FAM47E: variants seen among roughly 807,000 people sequenced by gnomAD.
FAM47E encodes protein FAM47E.
In FAM47E, 32 loss-of-function variants were observed where a neutral mutation model predicts 41.6. The ratio of observed to expected loss-of-function variants is 0.77; its 90% CI spans 0.58 to 1.03. The LOEUF (loss-of-function observed/expected upper bound fraction) is 1.03, where lower values mean the gene tolerates loss of function less well. FAM47E is among the 50% of genes least tolerant of loss of function. The pLI, the probability that FAM47E is intolerant of heterozygous loss-of-function variation, is 0.00. For missense variants in FAM47E, 424 were observed against 485.4 expected (o/e 0.87, Z 1.19); for synonymous variants, 184 against 188.7 (o/e 0.98, Z 0.20).
intron 2 of FAM47E, among the ~76,000 whole-genome samples, chr4:76,237,351 GTTTT>G (rs71924228): frequency 1.4e-5 from 2 of 141,818 alleles, no homozygotes; most frequent in South Asian, 4.4e-4. Flanking sequence ...GGGCCTTAGA[GTTTT>G]TTTTTTTTTG....
At chr4:76,273,248 A>G (rs1734965056) in intron 5 of FAM47E, among the ~76,000 whole-genome samples, 1 of 152,250 alleles carries the variant, frequency 6.6e-6, no homozygotes, top group African/African-American at 2.4e-5. Flanking sequence ...TCATCATGCT[A>G]CTGAGAATGG....
chr4:76,215,746 A>T (rs1173195310), intron 1 of FAM47E, among the ~76,000 whole-genome samples: 1 of 152,090 alleles, frequency 6.6e-6, no homozygotes, highest in Non-Finnish European at 1.5e-5. Flanking sequence ...AGAACATGGG[A>T]AAGACTGTGG....
chr4:76,232,252 T>C (rs1008178051), intron 2 of FAM47E, among the ~76,000 whole-genome samples: 1 of 152,246 alleles, frequency 6.6e-6, no homozygotes, highest in African/African-American at 2.4e-5. Flanking sequence ...TTTTCTGAGT[T>C]CAGTCCATTT....
At chr4:76,282,047 ATGTAGAAGTACAGT>A (rs1429174794) in intron 7 of FAM47E, 105 of 56,916 alleles carry the variant, frequency 1.8e-3, no homozygotes, top group Non-Finnish European at 4.6e-3. Context: ...TAACATTTGT[ATGTAGAAGTACAGT>A]ACATTTGTAT....
intron 2 of FAM47E, among the ~76,000 whole-genome samples, chr4:76,223,627 T>C (rs1199201663): frequency 6.6e-6 from 1 of 152,222 alleles, no homozygotes; most frequent in African/African-American, 2.4e-5. Context: ...CAGGCCCTGG[T>C]CTGGGCCAAC....
At chr4:76,279,955 G>A (rs1040639617) in intron 6 of FAM47E, 2 of 216,384 alleles carry the variant, frequency 9.2e-6, no homozygotes, top group Admixed American at 5.3e-5. Context: ...TATGATTTGT[G>A]GACATACTGT....
intron 1 of FAM47E, chr4:76,217,558 G>C (rs1459419253): frequency 2.0e-6 from 1 of 502,494 alleles, no homozygotes; most frequent in Non-Finnish European, 3.6e-6. Flanking sequence ...ACACAGGTGT[G>C]CTCCCTTTCT....
At chr4:76,261,876 G>A (rs1411048419) in intron 2 of FAM47E, among the ~76,000 whole-genome samples, 1 of 152,060 alleles carries the variant, frequency 6.6e-6, no homozygotes, top group Admixed American at 6.6e-5. Flanking sequence ...AAATAAACAT[G>A]AAAACAAGTG....
chr4:76,235,916 C>A (rs560938435), intron 2 of FAM47E, among the ~76,000 whole-genome samples: 14 of 152,296 alleles, frequency 9.2e-5, no homozygotes, highest in African/African-American at 2.4e-4. Flanking sequence ...AGATGGGACA[C>A]CAAGGCACAG....
intron 7 of FAM47E, chr4:76,281,099 CTGA>C (rs1341098265): frequency 6.6e-6 from 1 of 152,248 alleles, no homozygotes; most frequent in Non-Finnish European, 1.5e-5. Context: ...GAAGTCATAG[CTGA>C]TAATGTCAAG....
intron 3 of FAM47E, among the ~76,000 whole-genome samples, chr4:76,266,861 G>C (rs1734658283): frequency 6.6e-6 from 1 of 152,132 alleles, no homozygotes; most frequent in Non-Finnish European, 1.5e-5. Context: ...CACACTCCCA[G>C]CTCAGCTCTT....
rs1391361182 is a variant in FAM47E, at chr4:76,256,323, T to C, written c.220T>C (p.Phe74Leu). 3.9e-6 allele frequency: 6 copies of C among 1,551,704 alleles called. No homozygotes were observed. The highest frequency in any genetic ancestry group is 5.2e-6 in the Non-Finnish European group (6 of 1,146,996). The stretch of plus-strand genomic sequence containing the variant: ...GGTGACTCAGGTCCCTGTGGAGGGC[T>C]TTCTGCCCCAGATTTATCACAGAGC... ...GLVTQVPVEG[F>L]LPQIYHRAPQ... Residue 74 changes from phenylalanine (F) to leucine (L), a missense_variant, in exon 2 of 8, where the codon TTT becomes CTT. Phe to Leu is a conservative substitution (Grantham distance 22). Coordinates refer to ENST00000424749, the MANE Select transcript of FAM47E (RefSeq NM_001136570.3).
intron 2 of FAM47E, among the ~76,000 whole-genome samples, chr4:76,236,017 T>G (rs1384109427): frequency 6.6e-6 from 1 of 152,236 alleles, no homozygotes; most frequent in Non-Finnish European, 1.5e-5. Context: ...GTTATGCTCT[T>G]ACCTGTCTTT....
intron 2 of FAM47E, among the ~76,000 whole-genome samples, chr4:76,226,870 A>G (rs1733407219): frequency 6.6e-6 from 1 of 152,170 alleles, no homozygotes; most frequent in Non-Finnish European, 1.5e-5. Context: ...TGGTTGTAAT[A>G]GCTCCCATTT....
At chr4:76,231,374 C>T (rs1048717332) in intron 2 of FAM47E, among the ~76,000 whole-genome samples, 7 of 152,212 alleles carry the variant, frequency 4.6e-5, no homozygotes, top group Admixed American at 1.3e-4. Context: ...TGAGCTGCAG[C>T]TGGAGACTGC....
In FAM47E at chr4:76,268,779, C is replaced by A; in HGVS notation, c.669+11C>A. The A allele has an allele frequency of 6.4e-7, 1 of 1,551,008 alleles. No homozygotes were observed. Among genetic ancestry groups the A allele is most frequent in the Non-Finnish European group, 8.7e-7 (1 of 1,146,786 alleles). Reference sequence around the variant, plus strand: ...GGTCTTCATGAAAATGTATGCAAAGCAGTTAGTGACTTCTGCAAGTGGGTT... The same window carrying A: ...GGTCTTCATGAAAATGTATGCAAAGAAGTTAGTGACTTCTGCAAGTGGGTT... On this transcript the variant is annotated intron_variant, in intron 4 of 7. Transcript: ENST00000424749.
chr4:76,274,961 G>A (rs973095937), intron 5 of FAM47E, among the ~76,000 whole-genome samples: 2 of 152,226 alleles, frequency 1.3e-5, no homozygotes, highest in African/African-American at 4.8e-5. Context: ...GGCTCTCCCT[G>A]AAGGCAGTGA....
intron 2 of FAM47E, among the ~76,000 whole-genome samples, chr4:76,261,162 TA>T (rs996770921): frequency 6.6e-5 from 10 of 151,298 alleles, no homozygotes; most frequent in Non-Finnish European, 1.0e-4. Flanking sequence ...ATTATTGAAA[TA>T]AAAAAAATAA....
chr4:76,222,937 G>A (rs1027548573), intron 2 of FAM47E, among the ~76,000 whole-genome samples: 11 of 152,182 alleles, frequency 7.2e-5, no homozygotes, highest in Non-Finnish European at 1.6e-4. Context: ...AAGAGGCCCA[G>A]GTGAAGCCTC....
Sources: gnomAD v4.1 joint callset for allele counts (sites outside exome capture counted in the v4.1 genomes callset) on GRCh38, gnomAD v4.1.1 for gene constraint, MANE v1.5 for transcripts, NCBI Gene and HGNC (gene_info 2026-07-23, HGNC 2026-07-21) for gene names.